The following KCNQ1 variants were observed in gnomAD, a reference collection of about 807,000 sequenced individuals.
KCNQ1 encodes potassium voltage-gated channel subfamily KQT member 1.
A neutral mutation model predicts 72.4 loss-of-function variants in KCNQ1; 49 were observed. The ratio of observed to expected loss-of-function variants is 0.68; its 90% confidence interval spans 0.54 to 0.86. The LOEUF (loss-of-function observed/expected upper bound fraction) is 0.86. Among genes scored for constraint, KCNQ1 ranks in the 40% least tolerant of loss-of-function variants. The pLI, the probability that KCNQ1 is intolerant of heterozygous loss-of-function variation, is 0.00. For missense variants in KCNQ1, 790 were observed against 945.1 expected, an observed-to-expected ratio of 0.84 and a Z score of 2.15; for synonymous variants, 450 against 412.6, an observed-to-expected ratio of 1.09 and a Z score of -1.10.
chr11:2,844,742 T>G (rs1409860686), intron 15 of KCNQ1, among the ~76,000 whole-genome samples: 3 of 152,212 alleles, frequency 2.0e-5, no homozygotes, highest in Non-Finnish European at 4.4e-5. Context: ...TCCACACCCA[T>G]TAGCACATGT....
At chr11:2,589,280 GC>G in intron 10 of KCNQ1, among the ~76,000 whole-genome samples, 1 of 152,232 alleles carries the variant, frequency 6.6e-6, no homozygotes, top group East Asian at 1.9e-4. Context: ...GCAGCACCAG[GC>G]CCGGGTAAAA....
At chr11:2,587,494 G>A in intron 8 of KCNQ1, 76 bp from the exon 9 acceptor site, 3 of 1,596,366 alleles carry the variant, frequency 1.9e-6, no homozygotes, top group South Asian at 1.1e-5. Context: ...GAACAGGGAG[G>A]GGGAGCTGTA....
rs574561446 is a variant in KCNQ1 at position 2,463,684 on chromosome 11, G to A, written c.386+18200G>A. ...CGCTGAGCTCAACACACAGGGGCTC[G>A]GGGAGGTCTGTGGGTGCCCAGGCCG... On this transcript the variant is annotated intron_variant, in intron 1 of 15. Transcript: ENST00000155840. This position sits in a 1 kb window ranked among gnomAD's most constrained non-coding sequence, Gnocchi z 7.0. Among the ~76,000 whole-genome samples, 69 of 152,316 alleles carry A rather than the reference G, an allele frequency of 4.5e-4. No homozygotes were observed. Among genetic ancestry groups the A allele is most frequent in the African/African-American group, 1.5e-3 (63 of 41,562 alleles).
rs530867557 is a variant in KCNQ1 at position 2,674,440 on chromosome 11, G to A, written c.1514+12359G>A. The A allele has an allele frequency of 4.0e-5, 16 of 398,668 alleles. 1 individual carries two copies. In the East Asian group the frequency reaches 5.7e-4, roughly 14 times the overall value. 24.7% of individuals were successfully genotyped at this position (398,668 alleles called of 1,614,324 possible). ...GCGCGCACACGACCACAGAGGCTGG[G>A]GGGAGGCACGTGGGGAGGAGGGCTG... On this transcript the variant is annotated intron_variant, in intron 11 of 15. Transcript: ENST00000155840. This position sits in a 1 kb window ranked among gnomAD's most constrained non-coding sequence, Gnocchi z 5.9.
Position 2,548,626 on chromosome 11 carries a change from C to T in KCNQ1, c.477+20608C>T, listed in dbSNP as rs528410122. Among the ~76,000 whole-genome samples, 6 of 152,356 alleles carry T rather than the reference C, an allele frequency of 3.9e-5. No individual in the cohort carries two copies. In the South Asian group the frequency reaches 1.2e-3, roughly 32 times the overall value. On this transcript the variant is annotated intron_variant, in intron 2 of 15. Transcript: ENST00000155840. ...CCGCCAAGCCCTTAGTGAAAAGTTT[C>T]TTAAGGCGGTTTCATAGGTGCGTGT...
At chr11:2,790,593 A>G (rs1490495722) in intron 15 of KCNQ1, among the ~76,000 whole-genome samples, 2 of 152,192 alleles carry the variant, frequency 1.3e-5, no homozygotes, top group Admixed American at 6.5e-5. Flanking sequence ...CTTTGGAGCC[A>G]GTGGCTGGGG....
chr11:2,675,644 GCT>G lies in KCNQ1; in HGVS notation c.1514+13568_1514+13569del, dbSNP rs1475814141. The G allele has an allele frequency of 2.0e-4, 78 of 398,610 alleles. No homozygotes were observed. The East Asian group carries it at 2.7e-3, about 14-fold the overall frequency. The allele number at this position is 398,610 out of a possible 1,614,324, so 24.7% of individuals were successfully genotyped here. ...GCACCCCTTATTAGAGGGTGGTTGG[GCT>G]CTCTAGGAGCCCGCCCAGGGCCTGC... is the stretch of plus-strand genomic sequence containing the variant. On this transcript the variant is annotated intron_variant, in intron 11 of 15. Coordinates refer to ENST00000155840, the MANE Select transcript of KCNQ1 (RefSeq NM_000218.3).
In KCNQ1 at chr11:2,608,380, GTT is replaced by G; in HGVS notation, c.1393+19529_1393+19530del. 1 of 398,494 alleles carries G rather than the reference GTT, an allele frequency of 2.5e-6. No homozygotes were observed. Among genetic ancestry groups the G allele is most frequent in the African/African-American group, 2.1e-5 (1 of 48,726 alleles). 24.7% of individuals were successfully genotyped at this position (398,494 alleles called of 1,614,324 possible). A position where few individuals can be genotyped will look rare whatever the true frequency, so the allele number is the denominator to read the frequency against. ...CTAGGAATTTGTCAATTTCATCTAAGTTTTATAATTTATTGGCACAAAATTGT... is the reference window on the plus strand; with the variant it reads ...CTAGGAATTTGTCAATTTCATCTAAGTTATAATTTATTGGCACAAAATTGT... On this transcript the variant is annotated intron_variant, in intron 10 of 15. Transcript: ENST00000155840. This position sits in a 1 kb window ranked among gnomAD's most constrained non-coding sequence, Gnocchi z 4.6.
rs1847751137 is a variant in KCNQ1 at position 2,537,432 on chromosome 11, T to C, written c.477+9414T>C. 6.6e-6 allele frequency among the ~76,000 whole-genome samples: 1 copy of C among 152,122 alleles called. No individual in the cohort carries two copies. The highest frequency in any genetic ancestry group is 2.4e-5 in the African/African-American group (1 of 41,354). On this transcript the variant is annotated intron_variant, in intron 2 of 15. Transcript: ENST00000155840. The surrounding 1 kb of genome is among the most constrained non-coding windows in gnomAD (Gnocchi z 5.2). ...GCAGTCGAATTAGTAACAATTTTAT[T>C]TTTTGGGAAAATAGAAGTGGGAGAG...
chr11:2,575,832 AC>A (rs2133738187), intron 6 of KCNQ1, among the ~76,000 whole-genome samples: 1 of 152,320 alleles, frequency 6.6e-6, no homozygotes, highest in African/African-American at 2.4e-5. Flanking sequence ...AGCTGCCACA[AC>A]AAAGTCCGCG....
In KCNQ1 at chr11:2,613,088, G is replaced by T; in HGVS notation, c.1393+24234G>T. On this transcript the variant is annotated intron_variant, in intron 10 of 15. Transcript: ENST00000155840. This position sits in a 1 kb window ranked among gnomAD's most constrained non-coding sequence, Gnocchi z 4.8. Reference sequence around the variant, plus strand: ...TAACCTAGTGGTCAAGCCATGATTAGTCAGACATTTGTTTAAACATCTTGA... The same window carrying T: ...TAACCTAGTGGTCAAGCCATGATTATTCAGACATTTGTTTAAACATCTTGA... 1 of 398,614 alleles carries T rather than the reference G, an allele frequency of 2.5e-6. No homozygotes were observed. The allele number at this position is 398,614 out of a possible 1,614,324, so 24.7% of individuals were successfully genotyped here. A position where few individuals can be genotyped will look rare whatever the true frequency, so the allele number is the denominator to read the frequency against.
At position 2,564,324 on chromosome 11, in the gene KCNQ1, T is replaced by G. The variant is rs965736151; in HGVS notation, c.478-6304T>G. Among the ~76,000 whole-genome samples, 2 of 152,190 alleles carry G rather than the reference T, an allele frequency of 1.3e-5. No individual in the cohort carries two copies. The highest frequency in any genetic ancestry group is 4.8e-5 in the African/African-American group (2 of 41,446). ...TGGTGAAATATAAGGCCAGGCGCGG[T>G]GACTCATGCCTGCAATCCCAGCACT... On this transcript the variant is annotated intron_variant, in intron 2 of 15. Transcript: ENST00000155840. The surrounding 1 kb of genome is among the most constrained non-coding windows in gnomAD (Gnocchi z 4.5).
rs143619478 is a variant in KCNQ1, at chr11:2,541,584, G to A, written c.477+13566G>A. Among the ~76,000 whole-genome samples the A allele has an allele frequency of 3.4e-3, 523 of 152,144 alleles. 2 individuals are homozygous for A. Among genetic ancestry groups the A allele is most frequent in the African/African-American group, 0.012 (499 of 41,524 alleles). On this transcript the variant is annotated intron_variant, in intron 2 of 15. Transcript: ENST00000155840. The surrounding 1 kb of genome is among the most constrained non-coding windows in gnomAD (Gnocchi z 4.8). Reference sequence around the variant, plus strand: ...GGATTGAGGACAAAGCCATGGGGACGCCGTTTTCGGGATGCTTGTGAGCAG... The same window carrying A: ...GGATTGAGGACAAAGCCATGGGGACACCGTTTTCGGGATGCTTGTGAGCAG...
chr11:2,824,500 C>T lies in KCNQ1; in HGVS notation c.1795-23267C>T, dbSNP rs530430977. Among the ~76,000 whole-genome samples the T allele has an allele frequency of 2.6e-5, 4 of 152,146 alleles. No homozygotes were observed. The highest frequency in any genetic ancestry group is 2.1e-4 in the South Asian group (1 of 4,814). ...GGCCTGAAAGGTTCTGAGGTGTCCA[C>T]GTGGAGGTGTTTGCCCGGCAGTTTA... On this transcript the variant is annotated intron_variant, in intron 15 of 15. Transcript: ENST00000155840. The surrounding 1 kb of genome is among the most constrained non-coding windows in gnomAD (Gnocchi z 5.9).
Position 2,748,664 on chromosome 11 carries a change from G to T in KCNQ1, c.1515-20180G>T, listed in dbSNP as rs1023555984. Among the ~76,000 whole-genome samples the T allele has an allele frequency of 6.6e-6, 1 of 152,168 alleles. No individual in the cohort carries two copies. Among genetic ancestry groups the T allele is most frequent in the African/African-American group, 2.4e-5 (1 of 41,436 alleles). ...AGAGCCCACAGCAGGGACTCCCCAC[G>T]CCAGGCCCGGCTGGATCACAGAGCT... On this transcript the variant is annotated intron_variant, in intron 11 of 15. Coordinates refer to ENST00000155840, the MANE Select transcript of KCNQ1 (RefSeq NM_000218.3). The surrounding 1 kb of genome is among the most constrained non-coding windows in gnomAD (Gnocchi z 6.2).
chr11:2,610,571 C>T (rs1848963547), intron 10 of KCNQ1: 1 of 398,332 alleles, frequency 2.5e-6, no homozygotes, highest in Admixed American at 4.4e-5. Flanking sequence ...CCTGGGAGCA[C>T]TTCCTTTTTG....
intron 15 of KCNQ1, among the ~76,000 whole-genome samples, chr11:2,845,979 G>T (rs1848317496): frequency 6.6e-6 from 1 of 152,206 alleles, no homozygotes. Context: ...GGTCCACCCA[G>T]ACCCTAGCAA....
In KCNQ1 at chr11:2,777,993, G is replaced by C. The variant is rs199472811; in HGVS notation, c.1750G>C (p.Gly584Arg). 1 of 1,613,696 alleles carries C rather than the reference G, an allele frequency of 6.2e-7. No individual in the cohort carries two copies. Among genetic ancestry groups the C allele is most frequent in the Admixed American group, 1.7e-5 (1 of 60,006 alleles). The change falls in exon 15 of 16, where the codon GGC (glycine) becomes CGC (arginine). Residue 584 changes from glycine to arginine, a missense_variant. Gly to Arg is a moderately radical substitution (Grantham distance 125). This residue lies in a region of KCNQ1 where 91 missense variants were observed against 139.1 expected (regional missense o/e 0.65). Transcript: ENST00000155840. Reference protein sequence around the residue: ...ISVSEKSKDRGSNTIGARLNR... With the variant: ...ISVSEKSKDRRSNTIGARLNR... ...CCCCATAGAAAAGAGCAAGGATCGC[G>C]GCAGCAACACGATCGGCGCCCGCCT...
intron 6 of KCNQ1, among the ~76,000 whole-genome samples, chr11:2,577,577 C>A (rs542430639): frequency 6.6e-6 from 1 of 152,178 alleles, no homozygotes; most frequent in Non-Finnish European, 1.5e-5. Context: ...GCCTGGCCCT[C>A]GTGAATTGGT....
Sources: allele counts gnomAD v4.1 joint callset (sites outside exome capture counted in the v4.1 genomes callset), GRCh38; gene constraint gnomAD v4.1.1; regional missense constraint gnomAD v4.1.1; non-coding constraint Gnocchi (gnomAD v3.1); transcripts MANE v1.5; gene names NCBI Gene and HGNC (gene_info 2026-07-23, HGNC 2026-07-21).